The following GPHN variants were observed in gnomAD, a reference collection of about 807,000 sequenced individuals.
GPHN encodes gephyrin.
GPHN carries 17 observed loss-of-function variants against 95.5 expected under a neutral mutation model. The ratio of observed to expected loss-of-function variants is 0.18; its 90% CI spans 0.12 to 0.27. GPHN has a LOEUF of 0.27. Ranked by LOEUF, GPHN falls within the 10% of genes least tolerant of loss-of-function variation. GPHN has a pLI of 1.00. For missense variants in GPHN, 660 were observed against 978.1 expected (o/e 0.67, Z 4.34); for synonymous variants, 320 against 322.5 (o/e 0.99, Z 0.08).
At chr14:67,426,562 T>G in the GPHN span, among the ~76,000 whole-genome samples, 2 of 151,986 alleles carry the variant, frequency 1.3e-5, no homozygotes, top group African/African-American at 4.8e-5. Flanking sequence ...GTGGATAATG[T>G]CTATTTTTTT....
chr14:67,395,674 G>C, the GPHN span: 6 of 982,700 alleles, frequency 6.1e-6, no homozygotes, highest in Non-Finnish European at 9.4e-6. Context: ...GAGAATCTAG[G>C]TGACAGTGAC....
the GPHN span, among the ~76,000 whole-genome samples, chr14:67,465,163 C>T: frequency 7.9e-5 from 12 of 152,344 alleles, no homozygotes; most frequent in East Asian, 9.6e-4. Flanking sequence ...GGCTTCCAGG[C>T]GCCAGGACTG....
the GPHN span, among the ~76,000 whole-genome samples, chr14:67,416,712 C>A: frequency 6.6e-6 from 1 of 152,254 alleles, no homozygotes; most frequent in Non-Finnish European, 1.5e-5. Context: ...ATGGGTGACA[C>A]ACAGACCTGC....
At chr14:66,681,331 A>T in intron 2 of GPHN, 146 bp downstream of exon 2, 1 of 628,186 alleles carries the variant, frequency 1.6e-6, no homozygotes, top group South Asian at 1.9e-5. Context: ...TTGAAGTCTG[A>T]CAGAACAGTT....
chr14:67,130,159 G>C (rs1035110986), intron 17 of GPHN, among the ~76,000 whole-genome samples: 1 of 152,084 alleles, frequency 6.6e-6, no homozygotes, highest in African/African-American at 2.4e-5. Flanking sequence ...GTGCAGGTTT[G>C]TTACATGGGT....
the GPHN span, chr14:67,725,387 C>A: frequency 3.2e-6 from 3 of 924,678 alleles, no homozygotes; most frequent in African/African-American, 1.6e-5. Context: ...CATGAACCAG[C>A]AGGACAGGGA....
chr14:66,735,276 A>G (rs1240101111), intron 2 of GPHN, among the ~76,000 whole-genome samples: 1 of 152,142 alleles, frequency 6.6e-6, no homozygotes, highest in Non-Finnish European at 1.5e-5. Flanking sequence ...TCGCAGTTTC[A>G]GTGTTAGATT....
chr14:67,183,497 GGAGA>G (rs1164087801), downstream of GPHN, among the ~76,000 whole-genome samples: 1 of 152,138 alleles, frequency 6.6e-6, no homozygotes, highest in African/African-American at 2.4e-5. Flanking sequence ...ATAGATAGTA[GGAGA>G]GAGAGCAAGG....
At chr14:67,727,137 A>G in the GPHN span, 2 of 1,614,150 alleles carry the variant, frequency 1.2e-6, no homozygotes, top group African/African-American at 2.7e-5. Flanking sequence ...GCCTATTGCC[A>G]CAGCAAGCTG....
intron 2 of GPHN, among the ~76,000 whole-genome samples, chr14:66,697,193 T>G (rs537801887): frequency 6.6e-6 from 1 of 152,350 alleles, no homozygotes; most frequent in South Asian, 2.1e-4. Flanking sequence ...ATAGTTAATC[T>G]ACTTAAATAT....
intron 2 of GPHN, among the ~76,000 whole-genome samples, chr14:66,719,621 A>G (rs963222296): frequency 9.9e-5 from 15 of 152,142 alleles, no homozygotes; most frequent in African/African-American, 3.4e-4. Flanking sequence ...TGCTCTGTTC[A>G]TCCCAGTCAG....
At chr14:67,282,210 C>G in the GPHN span, among the ~76,000 whole-genome samples, 1 of 151,854 alleles carries the variant, frequency 6.6e-6, no homozygotes, top group Non-Finnish European at 1.5e-5. Context: ...ACTTTTTTTT[C>G]TTGTTCATAA....
At chr14:67,144,906 T>C (rs1567402075) in intron 18 of GPHN, among the ~76,000 whole-genome samples, 1 of 152,222 alleles carries the variant, frequency 6.6e-6, no homozygotes, top group Non-Finnish European at 1.5e-5. Context: ...GAAAGTGTTG[T>C]AGTGTGTGTA....
At chr14:67,158,152 GA>G (rs2081726041) in intron 18 of GPHN, among the ~76,000 whole-genome samples, 1 of 151,274 alleles carries the variant, frequency 6.6e-6, no homozygotes, top group Non-Finnish European at 1.5e-5. Flanking sequence ...ACTAAAAATA[GA>G]AAAATTAGCT....
the GPHN span, among the ~76,000 whole-genome samples, chr14:67,629,710 T>C: frequency 6.6e-6 from 1 of 152,246 alleles, no homozygotes; most frequent in Non-Finnish European, 1.5e-5. Context: ...ATGTTATTTA[T>C]AGTTAATAAC....
chr14:67,243,611 G>A, the GPHN span, among the ~76,000 whole-genome samples: 1 of 149,470 alleles, frequency 6.7e-6, no homozygotes, highest in Non-Finnish European at 1.5e-5. Flanking sequence ...TTCTGCCTCA[G>A]CCTCCCGAGT....
chr14:67,524,580 TC>T, the GPHN span, among the ~76,000 whole-genome samples: 1 of 152,160 alleles, frequency 6.6e-6, no homozygotes, highest in Non-Finnish European at 1.5e-5. Context: ...TTTCCTTCTT[TC>T]CTCAAATGGA....
intron 2 of GPHN, among the ~76,000 whole-genome samples, chr14:66,773,975 G>A (rs2059280417): frequency 6.9e-6 from 1 of 144,372 alleles, no homozygotes; most frequent in East Asian, 2.1e-4. Flanking sequence ...TAAGGTAATT[G>A]AGCATCATAT....
chr14:66,792,019 C>T (rs1226547927), intron 3 of GPHN, among the ~76,000 whole-genome samples: 1 of 152,160 alleles, frequency 6.6e-6, no homozygotes, highest in Non-Finnish European at 1.5e-5. Flanking sequence ...ATAAAACCAT[C>T]ATGTCTCATG....
Sources: allele counts gnomAD v4.1 joint callset (sites outside exome capture counted in the v4.1 genomes callset), GRCh38; gene constraint gnomAD v4.1.1; transcripts MANE v1.5; gene names NCBI Gene and HGNC (gene_info 2026-07-23, HGNC 2026-07-21).